SCN8A: variants seen among roughly 807,000 people sequenced by gnomAD.
SCN8A encodes the protein sodium channel protein type 8 subunit alpha.
A neutral mutation model predicts 184.1 loss-of-function variants in SCN8A; 30 were observed. That is an observed-to-expected ratio of 0.16 (90% CI 0.12 to 0.22). SCN8A has a LOEUF of 0.22. Among genes scored for constraint, SCN8A ranks in the 10% least tolerant of loss-of-function variants. SCN8A has a pLI of 1.00. For missense variants in SCN8A, 1,057 were observed against 2,498.9 expected (o/e 0.42, Z 12.30); for synonymous variants, 852 against 907.0 (o/e 0.94, Z 1.09).
intron 11 of SCN8A, among the ~76,000 whole-genome samples, chr12:51,714,828 G>A (rs1351084003): frequency 7.2e-5 from 11 of 152,134 alleles, no homozygotes; most frequent in Admixed American, 5.9e-4. Context: ...CCATTCTCCC[G>A]AGCAAACATC....
intron 1 of SCN8A, among the ~76,000 whole-genome samples, chr12:51,609,990 A>G (rs1312878278): frequency 6.6e-6 from 1 of 151,602 alleles, no homozygotes; most frequent in South Asian, 2.1e-4. Context: ...ATACAATAAA[A>G]TAAAATAAAT....
chr12:51,762,736 T>C, intron 15 of SCN8A, 60 bp downstream of exon 15: 1 of 1,380,202 alleles, frequency 7.2e-7, no homozygotes, highest in South Asian at 1.5e-5. Flanking sequence ...CTAGAAAGAG[T>C]TCTGCATAAA....
chr12:51,665,462 T>C (rs1260938891), intron 2 of SCN8A, among the ~76,000 whole-genome samples: 2 of 152,236 alleles, frequency 1.3e-5, no homozygotes, highest in Non-Finnish European at 2.9e-5. Context: ...GAAAAGCTCA[T>C]AAAGTATAAA....
At chr12:51,777,811 T>C (rs1374813338) in intron 20 of SCN8A, among the ~76,000 whole-genome samples, 1 of 152,232 alleles carries the variant, frequency 6.6e-6, no homozygotes, top group East Asian at 1.9e-4. Flanking sequence ...CACTCAAAGC[T>C]TAGTTTCTTG....
intron 15 of SCN8A, among the ~76,000 whole-genome samples, chr12:51,763,729 C>G (rs769721006): frequency 9.9e-5 from 15 of 152,180 alleles, no homozygotes; most frequent in Non-Finnish European, 1.8e-4. Context: ...ATTAACTCCT[C>G]GAGAAACTGA....
chr12:51,788,922 T>G (rs551567141), intron 23 of SCN8A, among the ~76,000 whole-genome samples, 174 bp downstream of exon 23: 1 of 152,324 alleles, frequency 6.6e-6, no homozygotes, highest in African/African-American at 2.4e-5. Flanking sequence ...CTCGTCTCAG[T>G]AAGTCATCAC....
chr12:51,658,837 C>T (rs1359459695), intron 1 of SCN8A, among the ~76,000 whole-genome samples: 1 of 152,132 alleles, frequency 6.6e-6, no homozygotes, highest in Non-Finnish European at 1.5e-5. Context: ...CGAGATGCTG[C>T]TATACCCACC....
At chr12:51,748,622 C>G (rs1354397106) in intron 13 of SCN8A, among the ~76,000 whole-genome samples, 1 of 152,186 alleles carries the variant, frequency 6.6e-6, no homozygotes, top group Non-Finnish European at 1.5e-5. Flanking sequence ...CAAGGAAGTA[C>G]TTGACATTAT....
At chr12:51,797,959 G>T (rs189502787) in intron 26 of SCN8A, among the ~76,000 whole-genome samples, 1 of 152,250 alleles carries the variant, frequency 6.6e-6, no homozygotes, top group East Asian at 1.9e-4. Context: ...TTTGCTAGCC[G>T]GTCACTAGGG....
intron 1 of SCN8A, among the ~76,000 whole-genome samples, chr12:51,650,349 A>G (rs1296756198): frequency 6.6e-6 from 1 of 152,140 alleles, no homozygotes; most frequent in Non-Finnish European, 1.5e-5. Flanking sequence ...CTTTTCAGCA[A>G]TGCCCCACTC....
At chr12:51,751,907 C>T (rs893768638) in intron 14 of SCN8A, among the ~76,000 whole-genome samples, 1 of 152,094 alleles carries the variant, frequency 6.6e-6, no homozygotes, top group African/African-American at 2.4e-5. Flanking sequence ...TTTTTTTCCT[C>T]ATTCTGTTTC....
intron 11 of SCN8A, among the ~76,000 whole-genome samples, chr12:51,720,630 AT>A: frequency 6.6e-6 from 1 of 152,202 alleles, no homozygotes; most frequent in East Asian, 1.9e-4. Flanking sequence ...GGAAAAGTAA[AT>A]AAATACATAA....
intron 11 of SCN8A, among the ~76,000 whole-genome samples, chr12:51,716,361 A>G (rs375926888): frequency 4.6e-5 from 7 of 152,178 alleles, no homozygotes; most frequent in East Asian, 1.9e-4. Flanking sequence ...TGAAGAAAAC[A>G]ATAAAAAATA....
intron 11 of SCN8A, among the ~76,000 whole-genome samples, chr12:51,708,467 T>C (rs1941819756): frequency 6.6e-6 from 1 of 152,230 alleles, no homozygotes; most frequent in Non-Finnish European, 1.5e-5. Flanking sequence ...GGCCATTTAA[T>C]TTCCCATTTT....
chr12:51,794,442 C>T lies in SCN8A; in HGVS notation c.4596C>T (p.Ile1532=). The T allele has an allele frequency of 6.2e-7, 1 of 1,614,002 alleles. No individual in the cohort carries two copies. Among genetic ancestry groups the T allele is most frequent in the Non-Finnish European group, 8.5e-7 (1 of 1,179,886 alleles). ...TTGACATTGTTATCATGATGCTCAT[C>T]TGCCTTAACATGGTGACAATGATGG... ...QAFDIVIMML[I]CLNMVTMMVE... The change falls in exon 26 of 27, where the codon ATC becomes ATT. Residue 1532 remains isoleucine, a synonymous_variant. Coordinates refer to ENST00000627620, the MANE Select transcript of SCN8A (RefSeq NM_001330260.2).
chr12:51,747,392 T>G (rs983119304), intron 13 of SCN8A, among the ~76,000 whole-genome samples: 2 of 152,156 alleles, frequency 1.3e-5, no homozygotes, highest in Non-Finnish European at 2.9e-5. Context: ...GGCAAATAAC[T>G]GCAGGTCCTA....
At chr12:51,796,084 C>A (rs1440400502) in intron 26 of SCN8A, among the ~76,000 whole-genome samples, 1 of 50,714 alleles carries the variant, frequency 2.0e-5, no homozygotes, top group Non-Finnish European at 4.4e-5. Flanking sequence ...TAGCATCCCA[C>A]CTTTATTAGA....
intron 26 of SCN8A, among the ~76,000 whole-genome samples, chr12:51,795,555 C>CCTTG (rs1002020371): frequency 2.0e-4 from 30 of 152,288 alleles, no homozygotes; most frequent in African/African-American, 6.5e-4. Context: ...AGGGGTCTCC[C>CCTTG]CTTGGCCTGT....
chr12:51,756,982 T>A (rs895280321), intron 14 of SCN8A, among the ~76,000 whole-genome samples: 6 of 152,244 alleles, frequency 3.9e-5, no homozygotes, highest in African/African-American at 1.2e-4. Context: ...TTACCTAGAT[T>A]TTCAGCTAAA....
Sources: gnomAD v4.1 joint callset for allele counts (sites outside exome capture counted in the v4.1 genomes callset) on GRCh38, gnomAD v4.1.1 for gene constraint, MANE v1.5 for transcripts, NCBI Gene and HGNC (gene_info 2026-07-23, HGNC 2026-07-21) for gene names.